HDAC9: variants seen among roughly 807,000 people sequenced by gnomAD.
HDAC9 encodes the protein MEF-2 interacting transcription repressor (MITR) protein.
HDAC9 carries 41 observed loss-of-function variants against 139.4 expected under a neutral mutation model. The ratio of observed to expected loss-of-function variants is 0.29; its 90% CI spans 0.23 to 0.38. HDAC9 has a LOEUF of 0.38. Ranked by LOEUF, HDAC9 falls within the 10% of genes least tolerant of loss-of-function variation. The pLI, the probability that HDAC9 is intolerant of heterozygous loss-of-function variation, is 1.00. For synonymous variants in HDAC9, 517 were observed against 476.2 expected, an observed-to-expected ratio of 1.09 and a Z score of -1.12; for missense variants, 1,147 against 1,297.0, an observed-to-expected ratio of 0.88 and a Z score of 1.78.
chr7:18,676,345 C>G (rs546082987), intron 12 of HDAC9, among the ~76,000 whole-genome samples: 1 of 151,956 alleles, frequency 6.6e-6, no homozygotes, highest in South Asian at 2.1e-4. Flanking sequence ...AAACTTCCCC[C>G]CTCCCCCACC....
intron 22 of HDAC9, among the ~76,000 whole-genome samples, chr7:18,916,704 T>C (rs1803242470): frequency 6.6e-6 from 1 of 152,034 alleles, no homozygotes; most frequent in Non-Finnish European, 1.5e-5. Context: ...TCAGAGCCAT[T>C]ACTCCCAAAC....
At chr7:18,715,952 A>G (rs1784667803) in intron 12 of HDAC9, among the ~76,000 whole-genome samples, 1 of 152,212 alleles carries the variant, frequency 6.6e-6, no homozygotes, top group Admixed American at 6.5e-5. Context: ...GACTGAGAAT[A>G]TCTGTTCAAG....
At chr7:18,127,562 T>G (rs577095290) in intron 1 of HDAC9, among the ~76,000 whole-genome samples, 1 of 152,228 alleles carries the variant, frequency 6.6e-6, no homozygotes, top group African/African-American at 2.4e-5. Flanking sequence ...TTCTCTCTGG[T>G]TTTCAAAGTG....
rs887485435 is a variant in HDAC9, at chr7:18,996,711, C to T, written c.*649C>T. 9.2e-5 allele frequency: 14 copies of T among 152,118 alleles called. No homozygotes were observed. The highest frequency in any genetic ancestry group is 2.6e-4 in the Admixed American group (4 of 15,266). The allele number at this position is 152,118 out of a possible 1,614,324, so 9.4% of individuals were successfully genotyped here. On this transcript the variant is annotated 3_prime_UTR_variant, in exon 26 of 26. Coordinates refer to ENST00000686413, the MANE Select transcript of HDAC9 (RefSeq NM_178425.4). ...CTCGAAGTCCAAATGCCAAAGGAAC[C>T]TCACACACTGTTTGTAATGGTGCAA... is the stretch of plus-strand genomic sequence containing the variant.
At chr7:18,667,038 G>A (rs1584789182) in intron 12 of HDAC9, 8 of 985,346 alleles carry the variant, frequency 8.1e-6, no homozygotes, top group Non-Finnish European at 9.6e-6. Flanking sequence ...GAAATGTTCT[G>A]GTCACCATGC....
chr7:18,386,466 C>T (rs1235999116), intron 1 of HDAC9, among the ~76,000 whole-genome samples: 4 of 152,166 alleles, frequency 2.6e-5, no homozygotes, highest in African/African-American at 9.7e-5. Context: ...CTAAGACAAG[C>T]CTTGTGGCCC....
chr7:18,567,569 C>T (rs1020287763), intron 2 of HDAC9, among the ~76,000 whole-genome samples: 5 of 151,998 alleles, frequency 3.3e-5, no homozygotes, highest in African/African-American at 1.2e-4. Flanking sequence ...AAGCAGAAGC[C>T]ATTTGATTCA....
At chr7:18,718,400 T>A (rs1247384982) in intron 12 of HDAC9, among the ~76,000 whole-genome samples, 1 of 151,736 alleles carries the variant, frequency 6.6e-6, no homozygotes, top group Non-Finnish European at 1.5e-5. Context: ...CCTCGCTAAT[T>A]TTTTTGCATT....
intron 1 of HDAC9, chr7:18,151,846 T>A (rs1174696161): frequency 6.6e-6 from 1 of 152,264 alleles, no homozygotes; most frequent in Non-Finnish European, 1.5e-5. Flanking sequence ...AAATAGATCA[T>A]TTAATTCACA....
At chr7:18,887,477 C>G (rs1383531088) in intron 22 of HDAC9, among the ~76,000 whole-genome samples, 1 of 152,132 alleles carries the variant, frequency 6.6e-6, no homozygotes, top group Non-Finnish European at 1.5e-5. Flanking sequence ...TTATTCCTAA[C>G]AGAAATAGTA....
At chr7:18,149,029 G>A (rs1360719138) in intron 1 of HDAC9, among the ~76,000 whole-genome samples, 2 of 152,150 alleles carry the variant, frequency 1.3e-5, no homozygotes, top group African/African-American at 4.8e-5. Context: ...TTTAAATGGT[G>A]TGTGCATTTA....
At chr7:18,373,672 C>G (rs1032895171) in intron 1 of HDAC9, among the ~76,000 whole-genome samples, 1 of 152,108 alleles carries the variant, frequency 6.6e-6, no homozygotes, top group African/African-American at 2.4e-5. Context: ...CCTTGAAATC[C>G]AGGTGAAACT....
intron 1 of HDAC9, among the ~76,000 whole-genome samples, chr7:18,407,167 T>C (rs1429177730): frequency 1.3e-5 from 2 of 152,142 alleles, no homozygotes; most frequent in Non-Finnish European, 2.9e-5. Flanking sequence ...CTTATTTATC[T>C]CTCAGTCTGT....
intron 24 of HDAC9, among the ~76,000 whole-genome samples, chr7:18,970,683 GC>G (rs1784190083): frequency 6.6e-6 from 1 of 152,120 alleles, no homozygotes; most frequent in African/African-American, 2.4e-5. Context: ...CTCCTTGTAA[GC>G]CCCAGGTGTT....
chr7:18,757,556 A>G (rs1788986874), intron 14 of HDAC9, among the ~76,000 whole-genome samples: 1 of 152,144 alleles, frequency 6.6e-6, no homozygotes, highest in Non-Finnish European at 1.5e-5. Context: ...CATGCATTTT[A>G]TCATGATTTT....
chr7:18,885,330 C>G (rs1800058796), intron 22 of HDAC9, among the ~76,000 whole-genome samples: 1 of 152,330 alleles, frequency 6.6e-6, no homozygotes, highest in Admixed American at 6.5e-5. Context: ...AATTATAATA[C>G]CTGCCAGTGA....
chr7:18,484,342 A>T (rs1586218105), intron 1 of HDAC9, among the ~76,000 whole-genome samples: 1 of 152,048 alleles, frequency 6.6e-6, no homozygotes, highest in East Asian at 1.9e-4. Context: ...TAAAAAAAAA[A>T]AAAGTAAATG....
chr7:18,760,176 C>T (rs1478202846), intron 14 of HDAC9, among the ~76,000 whole-genome samples: 2 of 152,112 alleles, frequency 1.3e-5, no homozygotes, highest in African/African-American at 4.8e-5. Flanking sequence ...ATTATTCTGC[C>T]AGAATTGGTT....
intron 1 of HDAC9, among the ~76,000 whole-genome samples, chr7:18,361,886 C>G (rs530046158): frequency 2.0e-4 from 30 of 152,242 alleles, no homozygotes; most frequent in Non-Finnish European, 4.1e-4. Context: ...ACCGTCAGTA[C>G]ATGATATGCT....
Sources: allele counts gnomAD v4.1 joint callset (sites outside exome capture counted in the v4.1 genomes callset), GRCh38; gene constraint gnomAD v4.1.1; transcripts MANE v1.5; gene names NCBI Gene and HGNC (gene_info 2026-07-23, HGNC 2026-07-21).